The following CTNNA2 variants were observed in gnomAD, a reference collection of about 807,000 sequenced individuals.
CTNNA2 encodes catenin alpha 2.
CTNNA2 carries 42 observed loss-of-function variants against 101.0 expected under a neutral mutation model. The observed-to-expected ratio is 0.42, with a 90% CI of 0.32 to 0.54. CTNNA2 has a LOEUF of 0.54. Ranked by LOEUF, CTNNA2 falls within the 20% of genes least tolerant of loss-of-function variation. CTNNA2 has a pLI of 0.14. For synonymous variants in CTNNA2, 450 were observed against 456.4 expected (o/e 0.99, Z 0.18); for missense variants, 871 against 1,223.1 (o/e 0.71, Z 4.29).
chr2:79,445,156 A>C (rs541109206), intron 4 of CTNNA2, among the ~76,000 whole-genome samples: 1 of 152,090 alleles, frequency 6.6e-6, no homozygotes, highest in African/African-American at 2.4e-5. Flanking sequence ...TTTTTGATAC[A>C]TTTTTTTCCT....
At chr2:79,312,387 C>A (rs1676394804) in intron 2 of CTNNA2, among the ~76,000 whole-genome samples, 3 of 152,162 alleles carry the variant, frequency 2.0e-5, no homozygotes, top group African/African-American at 4.8e-5. Flanking sequence ...AAATCTTCTT[C>A]TTGACCCTTC....
intron 3 of CTNNA2, among the ~76,000 whole-genome samples, chr2:79,349,049 G>A (rs542781038): frequency 1.9e-4 from 29 of 152,272 alleles, no homozygotes; most frequent in African/African-American, 6.3e-4. Flanking sequence ...ATGCAAAGTG[G>A]AAATTCCTCT....
chr2:80,159,478 A>G (rs1253836084), intron 7 of CTNNA2, among the ~76,000 whole-genome samples: 1 of 152,102 alleles, frequency 6.6e-6, no homozygotes, highest in Non-Finnish European at 1.5e-5. Flanking sequence ...GTGTGGTTTT[A>G]TTTTGTGTTT....
chr2:79,308,847 T>C (rs946162647), intron 2 of CTNNA2, among the ~76,000 whole-genome samples: 1 of 151,966 alleles, frequency 6.6e-6, no homozygotes, highest in Non-Finnish European at 1.5e-5. Flanking sequence ...TTGCATATTT[T>C]CTTCAAATGA....
rs953434653 is a variant in CTNNA2 at position 80,304,976 on chromosome 2, A to G, written c.1057-88235A>G. Reference sequence around the variant, plus strand: ...GGTAGGGGTAGCATCATCCACGACAAGATATTTCCAAGTGGGAAACTGAAA... The same window carrying G: ...GGTAGGGGTAGCATCATCCACGACAGGATATTTCCAAGTGGGAAACTGAAA... On this transcript the variant is annotated intron_variant, in intron 7 of 18. Coordinates refer to ENST00000402739, the MANE Select transcript of CTNNA2 (RefSeq NM_001282597.3). The G allele has an allele frequency of 9.2e-6, 7 of 764,304 alleles. No homozygotes were observed. In the South Asian group the frequency reaches 2.4e-4, roughly 26 times the overall value. The allele number at this position is 764,304 out of a possible 1,614,324, so 47.3% of individuals were successfully genotyped here. A position where few individuals can be genotyped will look rare whatever the true frequency, so the allele number is the denominator to read the frequency against.
chr2:79,799,270 T>C (rs904048301), intron 3 of CTNNA2, among the ~76,000 whole-genome samples: 5 of 152,046 alleles, frequency 3.3e-5, no homozygotes, highest in African/African-American at 1.2e-4. Flanking sequence ...TGCTTATGTA[T>C]CTAGATATGT....
At chr2:80,175,642 A>G (rs1056326642) in intron 7 of CTNNA2, among the ~76,000 whole-genome samples, 3 of 152,138 alleles carry the variant, frequency 2.0e-5, no homozygotes, top group South Asian at 2.1e-4. Context: ...GGATAAATGT[A>G]TATATGAAAG....
chr2:79,929,526 G>A (rs78345273), intron 7 of CTNNA2, among the ~76,000 whole-genome samples: 16,832 of 152,208 alleles, frequency 0.11, 1,224 homozygotes, highest in East Asian at 0.26. Context: ...CTCTCTCACT[G>A]GATTGTGTGT....
In CTNNA2 at chr2:80,091,397, C is replaced by G. The variant is rs926922946; in HGVS notation, c.1056+181600C>G. ...TTTCCAAGGTCTGCAGGACCAGATT[C>G]AGTTTTGGAAAATGAGCTGATATGA... On this transcript the variant is annotated intron_variant, in intron 7 of 18. Transcript: ENST00000402739. 3.3e-5 allele frequency among the ~76,000 whole-genome samples: 5 copies of G among 152,074 alleles called. No individual in the cohort carries two copies. In the South Asian group the frequency reaches 1.0e-3, roughly 31 times the overall value.
At chr2:80,401,796 G>GAA (rs59715103) in intron 8 of CTNNA2, among the ~76,000 whole-genome samples, 17,970 of 142,238 alleles carry the variant, frequency 0.13, 1,280 homozygotes, top group African/African-American at 0.21. Flanking sequence ...GTAAGAGACA[G>GAA]AAAAAAAAAA....
intron 1 of CTNNA2, among the ~76,000 whole-genome samples, chr2:79,576,506 G>C (rs1030121273): frequency 6.6e-6 from 1 of 152,074 alleles, no homozygotes; most frequent in African/African-American, 2.4e-5. Flanking sequence ...ATTTCACTTT[G>C]ATTCTGTAAG....
intron 7 of CTNNA2, among the ~76,000 whole-genome samples, chr2:80,092,734 A>G (rs1352856450): frequency 6.6e-6 from 1 of 152,076 alleles, no homozygotes; most frequent in Non-Finnish European, 1.5e-5. Flanking sequence ...AGCTGCTGCC[A>G]AGGTCTCTCA....
intron 2 of CTNNA2, among the ~76,000 whole-genome samples, chr2:79,652,148 T>C (rs920463236): frequency 4.6e-5 from 7 of 152,166 alleles, no homozygotes; most frequent in Admixed American, 1.3e-4. Flanking sequence ...CAGAAAAATA[T>C]CATCAGGATT....
intron 7 of CTNNA2, among the ~76,000 whole-genome samples, chr2:80,151,204 C>G (rs191813488): frequency 6.6e-6 from 1 of 152,202 alleles, no homozygotes. Flanking sequence ...TTATATTTCC[C>G]CTCCAAGCCA....
At chr2:80,608,378 A>T in intron 17 of CTNNA2, 60 bp downstream of exon 17, 1 of 1,567,770 alleles carries the variant, frequency 6.4e-7, no homozygotes, top group South Asian at 1.1e-5. Flanking sequence ...CAAGGCAAAC[A>T]TTCTTGGCAA....
At chr2:79,602,932 T>C (rs1240197682) in intron 1 of CTNNA2, among the ~76,000 whole-genome samples, 1 of 152,166 alleles carries the variant, frequency 6.6e-6, no homozygotes, top group African/African-American at 2.4e-5. Context: ...GAGGAACAGA[T>C]TTTTCATAGA....
intron 1 of CTNNA2, among the ~76,000 whole-genome samples, chr2:79,639,064 A>G (rs1203131911): frequency 3.9e-5 from 6 of 152,164 alleles, no homozygotes; most frequent in Non-Finnish European, 7.4e-5. Context: ...CCATCAAGGC[A>G]TTCAAAATTC....
intron 1 of CTNNA2, among the ~76,000 whole-genome samples, chr2:79,570,380 G>T (rs1675388963): frequency 6.6e-6 from 1 of 151,978 alleles, no homozygotes; most frequent in African/African-American, 2.4e-5. Flanking sequence ...AAACATTTCT[G>T]GGATATATGA....
chr2:80,423,084 C>G (rs1392982067), intron 9 of CTNNA2, among the ~76,000 whole-genome samples: 1 of 151,104 alleles, frequency 6.6e-6, no homozygotes, highest in Non-Finnish European at 1.5e-5. Context: ...TTAGTATGCT[C>G]TCTTTTTTCC....
Sources: allele counts gnomAD v4.1 joint callset (sites outside exome capture counted in the v4.1 genomes callset), GRCh38; gene constraint gnomAD v4.1.1; transcripts MANE v1.5; gene names NCBI Gene and HGNC (gene_info 2026-07-23, HGNC 2026-07-21).